The following ZUP1 variants were observed in gnomAD, a reference collection of about 807,000 sequenced individuals.
ZUP1 encodes the protein zinc finger-containing ubiquitin peptidase 1.
ZUP1 carries 55 observed loss-of-function variants against 68.1 expected under a neutral mutation model. That is an observed-to-expected ratio of 0.81 (90% confidence interval 0.65 to 1.01). The LOEUF (loss-of-function observed/expected upper bound fraction) is 1.01, where lower values mean the gene tolerates loss of function less well. Among genes scored for constraint, ZUP1 ranks in the 50% least tolerant of loss-of-function variants. The probability of loss-of-function intolerance (pLI) is 0.00; values close to 1 mark genes in which losing one functional copy is unlikely to be tolerated. For missense variants in ZUP1, 684 were observed against 674.9 expected, an observed-to-expected ratio of 1.01 and a Z score of -0.15; for synonymous variants, 223 against 221.5, an observed-to-expected ratio of 1.01 and a Z score of -0.06.
chr6:116,659,438 T>A (rs1202266223), intron 3 of ZUP1, among the ~76,000 whole-genome samples: 1 of 152,112 alleles, frequency 6.6e-6, no homozygotes, highest in Non-Finnish European at 1.5e-5. Flanking sequence ...CCTCACTAAG[T>A]GTTTAAAGCT....
intron 9 of ZUP1, among the ~76,000 whole-genome samples, chr6:116,642,482 T>C (rs559328133): frequency 2.0e-5 from 3 of 151,996 alleles, no homozygotes; most frequent in Admixed American, 6.6e-5. Flanking sequence ...AAAAACCTTA[T>C]CCACCATGAT....
chr6:116,658,763 T>C (rs1463820243), intron 4 of ZUP1, 40 bp downstream of exon 4: 8 of 1,512,582 alleles, frequency 5.3e-6, no homozygotes, highest in Non-Finnish European at 7.1e-6. Context: ...AAAATAACTT[T>C]ACCAAATCAA....
intron 4 of ZUP1, among the ~76,000 whole-genome samples, chr6:116,657,474 T>C (rs1222254066): frequency 1.3e-5 from 2 of 152,178 alleles, no homozygotes; most frequent in African/African-American, 4.8e-5. Context: ...TTAAATTACA[T>C]AAGGCATAAA....
At chr6:116,641,940 T>C (rs1019586499) in intron 9 of ZUP1, among the ~76,000 whole-genome samples, 2 of 152,042 alleles carry the variant, frequency 1.3e-5, no homozygotes, top group African/African-American at 2.4e-5. Flanking sequence ...GATAGACCGC[T>C]AGCAAGACTA....
chr6:116,663,677 C>T (rs1011244095), intron 2 of ZUP1, among the ~76,000 whole-genome samples: 2 of 152,102 alleles, frequency 1.3e-5, no homozygotes, highest in African/African-American at 4.8e-5. Context: ...GCAGTGGCTC[C>T]CACCTGCAAT....
chr6:116,655,766 T>C (rs1338706663), intron 5 of ZUP1, among the ~76,000 whole-genome samples: 1 of 152,210 alleles, frequency 6.6e-6, no homozygotes, highest in East Asian at 1.9e-4. Context: ...TCATTTGGAA[T>C]ATATAACAGT....
intron 9 of ZUP1, among the ~76,000 whole-genome samples, chr6:116,643,127 C>G (rs1397409725): frequency 1.3e-5 from 2 of 152,068 alleles, no homozygotes; most frequent in South Asian, 2.1e-4. Context: ...ATCCAACTTA[C>G]AAGGGACGTG....
intron 7 of ZUP1, among the ~76,000 whole-genome samples, chr6:116,649,361 A>G (rs1776410111): frequency 2.0e-5 from 3 of 152,220 alleles, no homozygotes; most frequent in African/African-American, 4.8e-5. Flanking sequence ...ACCCAATGAC[A>G]TAATACTGAA....
chr6:116,639,390 G>T (rs911211589), intron 9 of ZUP1, among the ~76,000 whole-genome samples: 2 of 152,262 alleles, frequency 1.3e-5, no homozygotes, highest in African/African-American at 4.8e-5. Context: ...GCCTCCTCAA[G>T]TGGGTCCCTG....
chr6:116,654,524 TG>T (rs756476793), intron 5 of ZUP1, among the ~76,000 whole-genome samples: 3 of 151,936 alleles, frequency 2.0e-5, no homozygotes, highest in Non-Finnish European at 2.9e-5. Flanking sequence ...ATCTTAAAGA[TG>T]GGGGAGTTAC....
rs1363684139 is a variant in ZUP1 at position 116,635,634 on chromosome 6, G to T, written c.*198C>A. ...AACAAAATCCACAATGCAAAAACAA[G>T]ACATTTTATTGAAATAATTTACCAA... On this transcript the variant is annotated 3_prime_UTR_variant, in exon 10 of 10. Transcript: ENST00000368576. 1 of 437,382 alleles carries T rather than the reference G, an allele frequency of 2.3e-6. No individual in the cohort carries two copies. The highest frequency in any genetic ancestry group is 2.1e-5 in the African/African-American group (1 of 48,624). The allele number at this position is 437,382 out of a possible 1,614,324, so 27.1% of individuals were successfully genotyped here. A position where few individuals can be genotyped will look rare whatever the true frequency, so the allele number is the denominator to read the frequency against.
chr6:116,666,779 G>T lies in ZUP1; in HGVS notation c.414C>A (p.Ser138Arg), dbSNP rs746982199. The T allele has an allele frequency of 1.3e-5, 21 of 1,613,702 alleles. No homozygotes were observed. Among genetic ancestry groups the T allele is most frequent in the African/African-American group, 2.7e-5 (2 of 74,894 alleles). ...KFLKSREKQS[S>R]LTEIKGSVYE... Reference sequence around the variant, plus strand: ...AAACAGATCCTTTTATTTCGGTCAGGCTGGACTGTTTTTCCCTACTTTTCA... The same window carrying T: ...AAACAGATCCTTTTATTTCGGTCAGTCTGGACTGTTTTTCCCTACTTTTCA... The change falls in exon 2 of 10, where the codon AGC (serine) becomes AGA (arginine). Residue 138 changes from serine (S) to arginine (R), a missense_variant. Coordinates refer to ENST00000368576, the MANE Select transcript of ZUP1 (RefSeq NM_145062.3).
At chr6:116,647,895 T>C (rs1416393479) in intron 7 of ZUP1, among the ~76,000 whole-genome samples, 2 of 152,222 alleles carry the variant, frequency 1.3e-5, no homozygotes, top group Non-Finnish European at 2.9e-5. Flanking sequence ...ACCTAAAGGT[T>C]ACAAACATTC....
At chr6:116,655,629 A>G (rs1776638336) in intron 5 of ZUP1, among the ~76,000 whole-genome samples, 1 of 152,222 alleles carries the variant, frequency 6.6e-6, no homozygotes, top group Non-Finnish European at 1.5e-5. Context: ...ATATATACAA[A>G]GAAAAAAATT....
chr6:116,640,902 TAA>T (rs1776075505), intron 9 of ZUP1, among the ~76,000 whole-genome samples: 1 of 148,384 alleles, frequency 6.7e-6, no homozygotes, highest in Non-Finnish European at 1.5e-5. Flanking sequence ...GCAAATTGGA[TAA>T]AGAGTCAAGA....
intron 2 of ZUP1, among the ~76,000 whole-genome samples, chr6:116,661,733 C>T (rs1776848433): frequency 6.6e-6 from 1 of 150,758 alleles, no homozygotes; most frequent in Non-Finnish European, 1.5e-5. Flanking sequence ...TATGTAAGGC[C>T]TGGTCTGAAA....
intron 9 of ZUP1, among the ~76,000 whole-genome samples, chr6:116,636,113 T>C (rs1466049237): frequency 6.6e-6 from 1 of 152,172 alleles, no homozygotes; most frequent in Non-Finnish European, 1.5e-5. Context: ...ATAGAAAATG[T>C]CACTTTTTTG....
intron 7 of ZUP1, 70 bp from the exon 8 acceptor site, chr6:116,647,680 T>C: frequency 8.1e-7 from 1 of 1,229,606 alleles, no homozygotes; most frequent in Non-Finnish European, 1.1e-6. Flanking sequence ...AGTTATCAAA[T>C]ACAACAAATT....
At position 116,658,932 on chromosome 6, in the gene ZUP1, G is replaced by C; in HGVS notation, c.671-8C>G. 1 of 1,595,836 alleles carries C rather than the reference G, an allele frequency of 6.3e-7. No individual in the cohort carries two copies. Among genetic ancestry groups the C allele is most frequent in the Non-Finnish European group, 8.5e-7 (1 of 1,174,918 alleles). ...ACTGGACTCTATCCATGCCTGTTAG[G>C]TATTGTTAATGTTCAGAATAAAATA... On this transcript the variant is annotated splice_region_variant and splice_polypyrimidine_tract_variant and intron_variant, in intron 3 of 9. Transcript: ENST00000368576.
Sources: gnomAD v4.1 joint callset for allele counts (sites outside exome capture counted in the v4.1 genomes callset) on GRCh38, gnomAD v4.1.1 for gene constraint, MANE v1.5 for transcripts, NCBI Gene and HGNC (gene_info 2026-07-23, HGNC 2026-07-21) for gene names.